UBE2E1: variants seen among roughly 807,000 people sequenced by gnomAD.
The protein encoded by UBE2E1 is ubiquitin-conjugating enzyme E2 E1.
A neutral mutation model predicts 21.4 loss-of-function variants in UBE2E1; 6 were observed. That is an observed-to-expected ratio of 0.28 (90% CI 0.15 to 0.55). UBE2E1 has a LOEUF of 0.55. Among genes scored for constraint, UBE2E1 ranks in the 20% least tolerant of loss-of-function variants. The pLI is 0.93. For missense variants in UBE2E1, 142 were observed against 236.5 expected (o/e 0.60, Z 2.62); for synonymous variants, 87 against 82.7 (o/e 1.05, Z -0.28).
At chr3:23,822,494 C>A (rs1481903597) in intron 3 of UBE2E1, among the ~76,000 whole-genome samples, 1 of 151,716 alleles carries the variant, frequency 6.6e-6, no homozygotes, top group Non-Finnish European at 1.5e-5. Context: ...TCTTTCCTCA[C>A]CAAAAAAAGT....
intron 3 of UBE2E1, among the ~76,000 whole-genome samples, chr3:23,847,656 G>A (rs1403697050): frequency 2.0e-5 from 3 of 151,540 alleles, no homozygotes; most frequent in African/African-American, 4.9e-5. Context: ...CACCACACTC[G>A]GCTAATTTTT....
Position 23,811,472 on chromosome 3 carries a change from G to A in UBE2E1, c.165G>A (p.Glu55=), listed in dbSNP as rs769420002. The A allele has an allele frequency of 5.0e-6, 8 of 1,614,232 alleles. No individual in the cohort carries two copies. The South Asian group carries it at 8.8e-5, about 18-fold the overall frequency. Residue 55 remains glutamate, a synonymous_variant, in exon 3 of 6, where the codon GAG becomes GAA. Transcript: ENST00000306627. ...TCTCCCACTCCAGAATTCAGAAGGA[G>A]CTGGCGGACATCACTTTAGACCCTC... ...LSTSAKRIQK[E]LADITLDPPP...
rs1700750568 is a variant in UBE2E1 at position 23,870,033 on chromosome 3, T to G, written c.204-17534T>G. Among the ~76,000 whole-genome samples, 1 of 152,210 alleles carries G rather than the reference T, an allele frequency of 6.6e-6. No homozygotes were observed. On this transcript the variant is annotated intron_variant, in intron 3 of 5. Transcript: ENST00000306627. This position sits in a 1 kb window ranked among gnomAD's most constrained non-coding sequence, Gnocchi z 4.2. The stretch of plus-strand genomic sequence containing the variant: ...AGCTTTCTAATGCAGTTACAGGGGC[T>G]AGGACTGGAGTCATGTGAAGCCTTC...
chr3:23,873,001 A>G (rs2125321551), intron 3 of UBE2E1, among the ~76,000 whole-genome samples: 1 of 152,030 alleles, frequency 6.6e-6, no homozygotes, highest in East Asian at 1.9e-4. Context: ...TGGGCAACAG[A>G]GCGAGACTCC....
intron 3 of UBE2E1, among the ~76,000 whole-genome samples, chr3:23,831,705 T>C (rs1699870348): frequency 6.6e-6 from 1 of 151,444 alleles, no homozygotes; most frequent in African/African-American, 2.4e-5. Flanking sequence ...TTCTTTTTTT[T>C]TTTTTCTGTG....
In UBE2E1 at chr3:23,891,489, G is replaced by GA. The variant is rs1701463213; in HGVS notation, c.*887dup. Among the ~76,000 whole-genome samples the GA allele has an allele frequency of 6.6e-6, 1 of 152,172 alleles. No individual in the cohort carries two copies. The highest frequency in any genetic ancestry group is 2.1e-4 in the South Asian group (1 of 4,828). On this transcript the variant is annotated 3_prime_UTR_variant, in exon 6 of 6. Transcript: ENST00000306627. ...ACACAGCTGTAGATGAGGTATCCTA[G>GA]AAAAGGTTAAATAATCTACCCCATT...
At chr3:23,812,514 A>G (rs1421542516) in intron 3 of UBE2E1, among the ~76,000 whole-genome samples, 1 of 152,206 alleles carries the variant, frequency 6.6e-6, no homozygotes, top group Non-Finnish European at 1.5e-5. Flanking sequence ...TAATTAGTGG[A>G]TTAAATACAA....
Position 23,845,561 on chromosome 3 carries a change from T to TTCTCTCTCTCTCTCTCTCTCTCTCTC in UBE2E1, c.203+34055_203+34080dup, listed in dbSNP as rs144798695. Among the ~76,000 whole-genome samples the TTCTCTCTCTCTCTCTCTCTCTCTCTC allele has an allele frequency of 2.2e-5, 3 of 137,014 alleles. No individual in the cohort carries two copies. The East Asian group carries it at 6.4e-4, about 29-fold the overall frequency. 89.9% of individuals were successfully genotyped at this position (137,014 alleles called of 152,430 possible). ...TTGTCCATCTCCCCACTGTTTTGGT[T>TTCTCTCTCTCTCTCTCTCTCTCTCTC]TCTCTCTCTCTCTCTCTCTCTCTCT... is the stretch of plus-strand genomic sequence containing the variant. On this transcript the variant is annotated intron_variant, in intron 3 of 5. Coordinates refer to ENST00000306627, the MANE Select transcript of UBE2E1 (RefSeq NM_003341.5).
intron 3 of UBE2E1, among the ~76,000 whole-genome samples, chr3:23,834,290 T>G (rs982766887): frequency 6.6e-6 from 1 of 152,246 alleles, no homozygotes; most frequent in Admixed American, 6.5e-5. Flanking sequence ...CTCTAGCAGC[T>G]TTATTTTCTC....
rs72627003 is a variant in UBE2E1 at position 23,827,614 on chromosome 3, C to G, written c.203+16104C>G. On this transcript the variant is annotated intron_variant, in intron 3 of 5. Coordinates refer to ENST00000306627, the MANE Select transcript of UBE2E1 (RefSeq NM_003341.5). ...TTCAAAGCCTAACCATTATACTCTA[C>G]TGCCTCTTATAGTGGCTTTATGAAT... Among the ~76,000 whole-genome samples the G allele has an allele frequency of 2.9e-3, 435 of 152,290 alleles. 10 individuals are homozygous for G. In the East Asian group the frequency reaches 0.044, roughly 15 times the overall value.
chr3:23,811,423 C>A (rs753088967), intron 2 of UBE2E1, 37 bp from the exon 3 acceptor site: 8 of 1,612,316 alleles, frequency 5.0e-6, no homozygotes, highest in East Asian at 2.2e-5. Flanking sequence ...CGCCTTAATG[C>A]TTCTTGTGTT....
At chr3:23,890,086 A>G (rs773535252) in intron 5 of UBE2E1, among the ~76,000 whole-genome samples, 4 of 152,136 alleles carry the variant, frequency 2.6e-5, no homozygotes, top group South Asian at 4.1e-4. Flanking sequence ...TTGCACTGCA[A>G]CAGCCCCGAA....
chr3:23,845,057 T>C (rs1053448038), intron 3 of UBE2E1, among the ~76,000 whole-genome samples: 27 of 152,194 alleles, frequency 1.8e-4, no homozygotes, highest in African/African-American at 6.5e-4. Context: ...TCCTACTTAA[T>C]ACCATATATG....
At chr3:23,859,165 T>C (rs905126998) in intron 3 of UBE2E1, among the ~76,000 whole-genome samples, 1 of 152,212 alleles carries the variant, frequency 6.6e-6, no homozygotes, top group Non-Finnish European at 1.5e-5. Context: ...CCAGCTCTAG[T>C]TCAGCCTGCC....
intron 3 of UBE2E1, among the ~76,000 whole-genome samples, chr3:23,834,803 G>A (rs888524935): frequency 5.3e-5 from 8 of 152,066 alleles, no homozygotes; most frequent in African/African-American, 1.9e-4. Flanking sequence ...TTAGAAATTG[G>A]CTGATGTTTT....
chr3:23,890,576 C>T lies in UBE2E1; in HGVS notation c.552C>T (p.Ala184=). 6.2e-7 allele frequency: 1 copy of T among 1,613,514 alleles called. No homozygotes were observed. The highest frequency in any genetic ancestry group is 8.5e-7 in the Non-Finnish European group (1 of 1,179,752). ...ACAGAGCAGAACATGACAGAATGGC[C>T]AGACAGTGGACCAAGAGATACGCTA... The part of the protein sequence containing the change: ...MTNRAEHDRM[A]RQWTKRYAT Residue 184 remains alanine (A), a synonymous_variant, in exon 6 of 6, where the codon GCC becomes GCT. Coordinates refer to ENST00000306627, the MANE Select transcript of UBE2E1 (RefSeq NM_003341.5).
rs2125301536 is a variant in UBE2E1 at position 23,842,630 on chromosome 3, C to G, written c.203+31120C>G. Among the ~76,000 whole-genome samples, 2 of 152,246 alleles carry G rather than the reference C, an allele frequency of 1.3e-5. No individual in the cohort carries two copies. The highest frequency in any genetic ancestry group is 4.1e-4 in the South Asian group (2 of 4,820). Reference sequence around the variant, plus strand: ...GAGGAAATAAGTCGGAGTCTCATACCTCTGTGTCAACACTGAACAGCATTT... The same window carrying G: ...GAGGAAATAAGTCGGAGTCTCATACGTCTGTGTCAACACTGAACAGCATTT... On this transcript the variant is annotated intron_variant, in intron 3 of 5. Coordinates refer to ENST00000306627, the MANE Select transcript of UBE2E1 (RefSeq NM_003341.5). The surrounding 1 kb of genome is among the most constrained non-coding windows in gnomAD (Gnocchi z 4.6).
intron 3 of UBE2E1, among the ~76,000 whole-genome samples, chr3:23,837,409 A>T (rs1485356205): frequency 6.6e-6 from 1 of 152,190 alleles, no homozygotes; most frequent in Non-Finnish European, 1.5e-5. Flanking sequence ...TCAAAACTGT[A>T]AGTATCCCCA....
chr3:23,870,830 C>G lies in UBE2E1; in HGVS notation c.204-16737C>G, dbSNP rs796853723. 7.0e-6 allele frequency among the ~76,000 whole-genome samples: 1 copy of G among 143,740 alleles called. No homozygotes were observed. The highest frequency in any genetic ancestry group is 2.6e-5 in the African/African-American group (1 of 38,966). 94.3% of individuals were successfully genotyped at this position (143,740 alleles called of 152,430 possible). Reference sequence around the variant, plus strand: ...CTAGGCAGAGGACCCTGCGGCCTTCCGCAGTGTTTGTGTCCCTGGGTACTT... The same window carrying G: ...CTAGGCAGAGGACCCTGCGGCCTTCGGCAGTGTTTGTGTCCCTGGGTACTT... On this transcript the variant is annotated intron_variant, in intron 3 of 5. Coordinates refer to ENST00000306627, the MANE Select transcript of UBE2E1 (RefSeq NM_003341.5). This position sits in a 1 kb window ranked among gnomAD's most constrained non-coding sequence, Gnocchi z 4.2.
Sources: gnomAD v4.1 joint callset for allele counts (sites outside exome capture counted in the v4.1 genomes callset) on GRCh38, gnomAD v4.1.1 for gene constraint, Gnocchi (gnomAD v3.1) non-coding constraint, MANE v1.5 for transcripts, NCBI Gene and HGNC (gene_info 2026-07-23, HGNC 2026-07-21) for gene names.